DSE: variants seen among roughly 807,000 people sequenced by gnomAD.
The protein encoded by DSE is dermatan-sulfate epimerase.
In DSE, 36 loss-of-function variants were observed where a neutral mutation model predicts 84.4. That is an observed-to-expected ratio of 0.43 (90% CI 0.33 to 0.56). The LOEUF (loss-of-function observed/expected upper bound fraction) is 0.56. Ranked by LOEUF, DSE falls within the 20% of genes least tolerant of loss-of-function variation. The pLI is 0.06. For missense variants in DSE, 862 were observed against 1,169.6 expected (o/e 0.74, Z 3.84); for synonymous variants, 410 against 430.1 (o/e 0.95, Z 0.58).
intron 2 of DSE, among the ~76,000 whole-genome samples, chr6:116,273,290 C>A (rs922214449): frequency 6.6e-6 from 1 of 152,056 alleles, no homozygotes; most frequent in African/African-American, 2.4e-5. Flanking sequence ...AAAGAAATTA[C>A]CTTAAATACA....
intron 2 of DSE, among the ~76,000 whole-genome samples, chr6:116,345,531 C>T (rs144749075): frequency 0.013 from 2,003 of 152,090 alleles, 42 homozygotes; most frequent in African/African-American, 0.043. Context: ...GGGTACATAA[C>T]GAAATGAAGG....
At chr6:116,368,066 A>G (rs764112568), upstream of DSE, among the ~76,000 whole-genome samples, 1 of 152,246 alleles carries the variant, frequency 6.6e-6, no homozygotes, top group African/African-American at 2.4e-5. Context: ...TTTTTTGACA[A>G]TATTACAGTA....
chr6:116,414,236 G>A (rs76139139), intron 2 of DSE, among the ~76,000 whole-genome samples: 1,722 of 152,318 alleles, frequency 0.011, 43 homozygotes, highest in African/African-American at 0.038. Flanking sequence ...CTCTGAAGGA[G>A]AGACCATCCT....
At chr6:116,353,400 TGATA>T (rs1393660422) in intron 2 of DSE, among the ~76,000 whole-genome samples, 1 of 152,230 alleles carries the variant, frequency 6.6e-6, no homozygotes, top group South Asian at 2.1e-4. Flanking sequence ...TCTGTTTATG[TGATA>T]GATAGTTACT....
At chr6:116,274,414 T>C (rs1168465731) in intron 2 of DSE, among the ~76,000 whole-genome samples, 1 of 151,660 alleles carries the variant, frequency 6.6e-6, no homozygotes, top group Non-Finnish European at 1.5e-5. Context: ...AAACACAAAA[T>C]TAGCCGGGCG....
intron 2 of DSE, among the ~76,000 whole-genome samples, chr6:116,344,250 C>G (rs528850714): frequency 1.3e-5 from 2 of 152,330 alleles, no homozygotes; most frequent in South Asian, 4.1e-4. Flanking sequence ...CCTAGCAAGG[C>G]AGGCCAACAT....
chr6:116,415,810 G>T (rs979707799), intron 2 of DSE, among the ~76,000 whole-genome samples: 6 of 151,998 alleles, frequency 3.9e-5, no homozygotes, highest in African/African-American at 1.4e-4. Context: ...GTTCATTTGG[G>T]TCTCTTTTGT....
intron 1 of DSE, among the ~76,000 whole-genome samples, chr6:116,377,802 G>A (rs1306198903): frequency 2.6e-5 from 4 of 152,148 alleles, no homozygotes; most frequent in East Asian, 1.9e-4. Flanking sequence ...ATACAACCTT[G>A]TTTACCTTCT....
intron 1 of DSE, among the ~76,000 whole-genome samples, chr6:116,384,950 G>A (rs2114957399): frequency 6.6e-6 from 1 of 152,276 alleles, no homozygotes; most frequent in Non-Finnish European, 1.5e-5. Context: ...GGTAATGGTT[G>A]GACTTGGTAA....
At chr6:116,351,275 G>T (rs1406115689) in intron 2 of DSE, among the ~76,000 whole-genome samples, 1 of 152,146 alleles carries the variant, frequency 6.6e-6, no homozygotes, top group Admixed American at 6.5e-5. Context: ...GACTCGGTTT[G>T]GCTGTCTCAT....
intron 2 of DSE, chr6:116,280,018 GC>G: frequency 1.3e-6 from 1 of 760,824 alleles, no homozygotes; most frequent in Non-Finnish European, 2.3e-6. Context: ...GCCGCTCCCT[GC>G]CAGCCAACCG....
Position 116,399,670 on chromosome 6 carries a change from G to C in DSE, c.416+4G>C. The C allele has an allele frequency of 1.2e-6, 2 of 1,609,598 alleles. No homozygotes were observed. The highest frequency in any genetic ancestry group is 1.7e-6 in the Non-Finnish European group (2 of 1,177,010). The stretch of plus-strand genomic sequence containing the variant: ...GGATGGCAGCGCAGCCTAGTTGGTA[G>C]ATTTTTGTCTTGTTCTTCTTACTGT... On this transcript the variant is annotated splice_donor_region_variant and intron_variant, in intron 2 of 5. Transcript: ENST00000644252.
intron 2 of DSE, among the ~76,000 whole-genome samples, chr6:116,347,615 C>T (rs1562245354): frequency 6.6e-6 from 1 of 152,190 alleles, no homozygotes; most frequent in African/African-American, 2.4e-5. Context: ...AACTGGATCC[C>T]TTCCTTACAC....
intron 1 of DSE, among the ~76,000 whole-genome samples, chr6:116,381,124 C>T (rs1780197184): frequency 6.6e-6 from 1 of 152,126 alleles, no homozygotes; most frequent in African/African-American, 2.4e-5. Context: ...TTGAGCAATG[C>T]ATACATGGGT....
chr6:116,379,517 A>G (rs1780103879), intron 1 of DSE, among the ~76,000 whole-genome samples: 1 of 152,064 alleles, frequency 6.6e-6, no homozygotes, highest in African/African-American at 2.4e-5. Flanking sequence ...TTTGGTTTTA[A>G]TGAGAACCCA....
At chr6:116,257,307 C>G (rs1022718894) in intron 1 of DSE, 5 of 152,210 alleles carry the variant, frequency 3.3e-5, no homozygotes, top group African/African-American at 1.2e-4. Context: ...CAAGATCACA[C>G]AGCAAGTGGT....
intron 2 of DSE, among the ~76,000 whole-genome samples, chr6:116,364,828 CTTTTTTT>C (rs1211909933): frequency 3.8e-5 from 5 of 131,196 alleles, no homozygotes; most frequent in East Asian, 2.2e-4. Flanking sequence ...TTTAGTAACA[CTTTTTTT>C]TTTTTTTTTT....
upstream of DSE, chr6:116,370,215 C>A (rs1013494506): frequency 9.0e-5 from 23 of 255,568 alleles, no homozygotes; most frequent in Non-Finnish European, 1.5e-4. Flanking sequence ...ACACACCCCC[C>A]CACCGCGTAA....
In DSE at chr6:116,399,465, C is replaced by T. The variant is rs201564300; in HGVS notation, c.215C>T (p.Thr72Met). 2.0e-5 allele frequency: 32 copies of T among 1,614,122 alleles called. No individual in the cohort carries two copies. The East Asian group carries it at 2.0e-4, about 10-fold the overall frequency. Residue 72 changes from threonine to methionine, a missense_variant, in exon 2 of 6, where the codon ACG becomes ATG. Coordinates refer to ENST00000644252, the MANE Select transcript of DSE (RefSeq NM_013352.4). ...CACGAGCACATTGCAGCCCGCCTCACGGAGGCTGTGCACACGATGCTGTCC... is the reference window on the plus strand; with the variant it reads ...CACGAGCACATTGCAGCCCGCCTCATGGAGGCTGTGCACACGATGCTGTCC... The part of the protein sequence containing the change: ...SSHEHIAARL[T>M]EAVHTMLSSP...
Sources: gnomAD v4.1 joint callset for allele counts (sites outside exome capture counted in the v4.1 genomes callset) on GRCh38, gnomAD v4.1.1 for gene constraint, MANE v1.5 for transcripts, NCBI Gene and HGNC (gene_info 2026-07-23, HGNC 2026-07-21) for gene names.